Variants in PICALM observed in about 807,000 individuals in gnomAD.
PICALM encodes the protein phosphatidylinositol binding clathrin assembly protein.
In PICALM, 40 loss-of-function variants were observed where a neutral mutation model predicts 80.5. The observed-to-expected ratio is 0.50, with a 90% CI of 0.39 to 0.65. The LOEUF (loss-of-function observed/expected upper bound fraction) is 0.65, where lower values mean the gene tolerates loss of function less well. PICALM is among the 30% of genes least tolerant of loss of function. The pLI is 0.00. For missense variants in PICALM, 676 were observed against 778.9 expected (o/e 0.87, Z 1.57); for synonymous variants, 288 against 260.3 (o/e 1.11, Z -1.02).
chr11:85,966,618 A>AC (rs1210313663), intron 19 of PICALM, among the ~76,000 whole-genome samples: 20 of 152,094 alleles, frequency 1.3e-4, no homozygotes, highest in African/African-American at 3.4e-4. Context: ...CTGAATTGTG[A>AC]CCCCCCAAAA....
chr11:86,021,599 A>T (rs927461115), intron 4 of PICALM, among the ~76,000 whole-genome samples: 10 of 152,182 alleles, frequency 6.6e-5, no homozygotes, highest in African/African-American at 2.2e-4. Context: ...ACGTAAAGTG[A>T]TTCAACTGCT....
intron 2 of PICALM, among the ~76,000 whole-genome samples, chr11:86,027,501 T>C (rs776609225): frequency 5.1e-5 from 7 of 137,830 alleles, no homozygotes; most frequent in East Asian, 2.3e-4. Flanking sequence ...GAAATCAGTA[T>C]TTTTTTTTTT....
intron 2 of PICALM, among the ~76,000 whole-genome samples, chr11:86,027,500 A>AT (rs747834494): frequency 0.013 from 1,861 of 140,264 alleles, 38 homozygotes; most frequent in East Asian, 0.061. Flanking sequence ...TGAAATCAGT[A>AT]TTTTTTTTTT....
chr11:86,005,948 GA>G (rs2095267119), intron 8 of PICALM, among the ~76,000 whole-genome samples: 1 of 152,110 alleles, frequency 6.6e-6, no homozygotes, highest in South Asian at 2.1e-4. Context: ...AGGAAAAGAG[GA>G]ACGGAGGTTA....
chr11:85,981,799 A>G, intron 15 of PICALM, 24 bp from the exon 16 acceptor site: 2 of 1,612,944 alleles, frequency 1.2e-6, no homozygotes, highest in Non-Finnish European at 8.5e-7. Context: ...AAAACAAAAA[A>G]GCATTTTATA....
intron 1 of PICALM, among the ~76,000 whole-genome samples, chr11:86,053,830 A>G (rs1461749987): frequency 6.6e-6 from 1 of 152,172 alleles, no homozygotes; most frequent in Non-Finnish European, 1.5e-5. Flanking sequence ...GGCCTCCCAA[A>G]GTTCTGGAAT....
At chr11:85,961,678 T>G (rs988343257) in intron 19 of PICALM, among the ~76,000 whole-genome samples, 1 of 152,210 alleles carries the variant, frequency 6.6e-6, no homozygotes, top group African/African-American at 2.4e-5. Context: ...TTTCTCCCTC[T>G]GTATAAGATT....
At chr11:86,020,158 T>C (rs1378398316) in intron 4 of PICALM, among the ~76,000 whole-genome samples, 1 of 152,126 alleles carries the variant, frequency 6.6e-6, no homozygotes, top group Non-Finnish European at 1.5e-5. Context: ...AAAAATTAAA[T>C]GCATCTTCTG....
At chr11:85,977,486 T>C (rs935770170) in intron 17 of PICALM, among the ~76,000 whole-genome samples, 45 of 152,204 alleles carry the variant, frequency 3.0e-4, no homozygotes, top group East Asian at 2.3e-3. Context: ...AAAACTGAAA[T>C]TGAATAAAGG....
intron 1 of PICALM, among the ~76,000 whole-genome samples, chr11:86,056,599 G>A (rs986495120): frequency 2.0e-5 from 3 of 152,156 alleles, no homozygotes; most frequent in African/African-American, 4.8e-5. Flanking sequence ...TGTCACTGAT[G>A]TGGAAAACAG....
chr11:86,015,855 C>T (rs1036929694), intron 4 of PICALM, among the ~76,000 whole-genome samples: 2 of 152,180 alleles, frequency 1.3e-5, no homozygotes, highest in African/African-American at 4.8e-5. Flanking sequence ...GGCTGTTCTA[C>T]CCTACGATAA....
rs149126333 is a variant in PICALM at position 86,000,453 on chromosome 11, G to A, written c.1154+190C>T. Reference sequence around the variant, plus strand: ...CAGTGATTTAACTATCTTCCATTTCGTAAATACGTAAAATATAAACTCATC... The same window carrying A: ...CAGTGATTTAACTATCTTCCATTTCATAAATACGTAAAATATAAACTCATC... On this transcript the variant is annotated intron_variant, in intron 11 of 19. Transcript: ENST00000393346. Among the ~76,000 whole-genome samples the A allele has an allele frequency of 3.1e-3, 470 of 152,128 alleles. 3 individuals carry two copies. Among genetic ancestry groups the A allele is most frequent in the African/African-American group, 0.011 (452 of 41,468 alleles).
intron 19 of PICALM, chr11:85,969,751 T>G (rs2094036043): frequency 3.4e-6 from 1 of 294,826 alleles, no homozygotes; most frequent in Non-Finnish European, 6.9e-6. Flanking sequence ...ACTCCTGCAC[T>G]TAAGTGATCC....
rs548930466 is a variant in PICALM at position 86,015,951 on chromosome 11, T to C, written c.453-988A>G. On this transcript the variant is annotated intron_variant, in intron 4 of 19. Transcript: ENST00000393346. Reference sequence around the variant, plus strand: ...CTTTGTAGGACACAACAAAGTTTAATAACCAAATACTAGACTGCCTTAAGT... The same window carrying C: ...CTTTGTAGGACACAACAAAGTTTAACAACCAAATACTAGACTGCCTTAAGT... 1.4e-4 allele frequency among the ~76,000 whole-genome samples: 21 copies of C among 152,340 alleles called. No homozygotes were observed. In the South Asian group the frequency reaches 4.1e-3, roughly 30 times the overall value.
chr11:86,035,827 A>G (rs2095832205), intron 1 of PICALM, among the ~76,000 whole-genome samples: 1 of 151,854 alleles, frequency 6.6e-6, no homozygotes, highest in African/African-American at 2.4e-5. Context: ...ACACGCCTGT[A>G]ATCCCAGCTA....
At chr11:85,994,918 G>A (rs1213046342) in intron 12 of PICALM, among the ~76,000 whole-genome samples, 1 of 152,204 alleles carries the variant, frequency 6.6e-6, no homozygotes, top group East Asian at 1.9e-4. Context: ...TGGCGAGGCT[G>A]TTCTGGAACT....
At chr11:85,987,731 A>G (rs1209948610) in intron 13 of PICALM, among the ~76,000 whole-genome samples, 1 of 152,252 alleles carries the variant, frequency 6.6e-6, no homozygotes, top group East Asian at 1.9e-4. Flanking sequence ...TCAGCTTCCT[A>G]ATTAGCTGGA....
chr11:86,017,412 A>G (rs1423884553), intron 4 of PICALM, among the ~76,000 whole-genome samples: 2 of 152,190 alleles, frequency 1.3e-5, no homozygotes, highest in African/African-American at 2.4e-5. Context: ...TTGATCACCT[A>G]AGATTGTAAA....
At chr11:86,059,946 A>T (rs905690804) in intron 1 of PICALM, among the ~76,000 whole-genome samples, 1 of 152,112 alleles carries the variant, frequency 6.6e-6, no homozygotes, top group South Asian at 2.1e-4. Flanking sequence ...TGGGAAAAAA[A>T]TTTAAATATT....
Sources: allele counts gnomAD v4.1 joint callset (sites outside exome capture counted in the v4.1 genomes callset), GRCh38; gene constraint gnomAD v4.1.1; transcripts MANE v1.5; gene names NCBI Gene and HGNC (gene_info 2026-07-23, HGNC 2026-07-21).